SDK2: variants seen among roughly 807,000 people sequenced by gnomAD.
SDK2 encodes protein sidekick-2.
SDK2 carries 105 observed loss-of-function variants against 253.9 expected under a neutral mutation model. That is an observed-to-expected ratio of 0.41 (90% confidence interval 0.35 to 0.49). SDK2 has a LOEUF of 0.49. Ranked by LOEUF, SDK2 falls within the 20% of genes least tolerant of loss-of-function variation. SDK2 has a pLI of 0.06. For missense variants in SDK2, 2,608 were observed against 3,003.0 expected (o/e 0.87, Z 3.07); for synonymous variants, 1,249 against 1,234.9 (o/e 1.01, Z -0.24).
rs2145437412 is a variant in SDK2 at position 73,368,435 on chromosome 17, G to A, written c.5139C>T (p.Thr1713=). Residue 1713 remains threonine, a synonymous_variant, in exon 37 of 45, where the codon ACC becomes ACT. Transcript: ENST00000392650. ...FNAAGDGPRS[T]PTQGQTQQAA... The stretch of plus-strand genomic sequence containing the variant: ...CTTGCTGGGTCTGGCCTTGGGTGGG[G>A]GTGCTCCGAGGCCCATCCCCAGCGG... 6.3e-7 allele frequency: 1 copy of A among 1,591,916 alleles called. No homozygotes were observed. Among genetic ancestry groups the A allele is most frequent in the East Asian group, 2.3e-5 (1 of 43,850 alleles).
intron 5 of SDK2, among the ~76,000 whole-genome samples, chr17:73,442,919 G>T (rs1422276314): frequency 6.6e-6 from 1 of 151,460 alleles, no homozygotes; most frequent in Non-Finnish European, 1.5e-5. Flanking sequence ...TAAAGTAGAG[G>T]CCAGATTTTC....
chr17:73,338,540 G>A lies in SDK2; in HGVS notation c.*47C>T. 1 of 1,140,702 alleles carries A rather than the reference G, an allele frequency of 8.8e-7. No homozygotes were observed. The highest frequency in any genetic ancestry group is 2.4e-5 in the East Asian group (1 of 41,472). 70.7% of individuals were successfully genotyped at this position (1,140,702 alleles called of 1,614,324 possible). A position where few individuals can be genotyped will look rare whatever the true frequency, so the allele number is the denominator to read the frequency against. Reference sequence around the variant, plus strand: ...GGCAGGCAGTGAGAGGAGGGGTGAAGGAGGAGTTTGGTGCCATTTCTCTTT... The same window carrying A: ...GGCAGGCAGTGAGAGGAGGGGTGAAAGAGGAGTTTGGTGCCATTTCTCTTT... On this transcript the variant is annotated 3_prime_UTR_variant, in exon 45 of 45. Transcript: ENST00000392650. This position sits in a 1 kb window ranked among gnomAD's most constrained non-coding sequence, Gnocchi z 5.0.
intron 1 of SDK2, among the ~76,000 whole-genome samples, chr17:73,607,596 C>A (rs1334464911): frequency 6.6e-6 from 1 of 152,132 alleles, no homozygotes; most frequent in East Asian, 1.9e-4. Flanking sequence ...CCAGACCCCA[C>A]TGAGGAGGTG....
At chr17:73,556,024 G>A (rs2145843986) in intron 1 of SDK2, among the ~76,000 whole-genome samples, 1 of 152,288 alleles carries the variant, frequency 6.6e-6, no homozygotes. Flanking sequence ...AAAGGCAGGG[G>A]CTTTGGGAGA....
At chr17:73,554,833 A>G (rs550825021) in intron 1 of SDK2, among the ~76,000 whole-genome samples, 2 of 152,304 alleles carry the variant, frequency 1.3e-5, no homozygotes, top group East Asian at 1.9e-4. Flanking sequence ...TAGAGTATTG[A>G]TTTACACTTA....
At chr17:73,586,689 C>T (rs1223103358) in intron 1 of SDK2, among the ~76,000 whole-genome samples, 1 of 152,140 alleles carries the variant, frequency 6.6e-6, no homozygotes, top group Non-Finnish European at 1.5e-5. Context: ...GTTGACTCAA[C>T]CACCTCCCAT....
rs181846898 is a variant in SDK2 at position 73,559,456 on chromosome 17, C to A, written c.65-51859G>T. On this transcript the variant is annotated intron_variant, in intron 1 of 44. Transcript: ENST00000392650. ...TGTGTATTATAATTCTTTTTGCGGG[C>A]TCTTGAGAATGAGAACTCTCTGCCA... 3.3e-3 allele frequency among the ~76,000 whole-genome samples: 502 copies of A among 152,260 alleles called. 3 individuals are homozygous for A. The highest frequency in any genetic ancestry group is 0.012 in the African/African-American group (485 of 41,532).
chr17:73,426,593 A>G lies in SDK2; in HGVS notation c.1584-2501T>C, dbSNP rs1459918057. On this transcript the variant is annotated intron_variant, in intron 12 of 44. Coordinates refer to ENST00000392650, the MANE Select transcript of SDK2 (RefSeq NM_001144952.2). ...GGCAAAATGTTTACAACCATTCCAA[A>G]TCATTTCCTCAAGGACAAATTCTCA... Among the ~76,000 whole-genome samples the G allele has an allele frequency of 4.6e-5, 7 of 152,150 alleles. No individual in the cohort carries two copies. The East Asian group carries it at 1.3e-3, about 29-fold the overall frequency.
intron 2 of SDK2, among the ~76,000 whole-genome samples, chr17:73,506,491 G>A (rs992394326): frequency 2.6e-5 from 4 of 152,142 alleles, no homozygotes; most frequent in South Asian, 4.1e-4. Flanking sequence ...TCTGGCCTCC[G>A]CACTCCCTAA....
At chr17:73,451,133 C>T (rs1956704617) in intron 4 of SDK2, among the ~76,000 whole-genome samples, 1 of 152,224 alleles carries the variant, frequency 6.6e-6, no homozygotes, top group Admixed American at 6.5e-5. Context: ...CATGTCTGCC[C>T]CCTTTCTCTC....
In SDK2 at chr17:73,642,680, T is replaced by C. The variant is rs562088724; in HGVS notation, c.64+1345A>G. ...GTTTCCCTATCTGTTAAATGGCTAC[T>C]AGAATAAGATGACCTCTGAGGTCCT... is the stretch of plus-strand genomic sequence containing the variant. On this transcript the variant is annotated intron_variant, in intron 1 of 44. Transcript: ENST00000392650. This position sits in a 1 kb window ranked among gnomAD's most constrained non-coding sequence, Gnocchi z 4.7. 4.8e-4 allele frequency among the ~76,000 whole-genome samples: 73 copies of C among 152,340 alleles called. 1 individual carries two copies. The South Asian group carries it at 0.015, about 30-fold the overall frequency.
chr17:73,416,548 C>T (rs2063183824), intron 16 of SDK2, among the ~76,000 whole-genome samples: 1 of 151,814 alleles, frequency 6.6e-6, no homozygotes, highest in South Asian at 2.1e-4. Context: ...CCTTGAACAA[C>T]ACAGGTTGGA....
intron 1 of SDK2, among the ~76,000 whole-genome samples, chr17:73,515,352 T>G (rs1004436966): frequency 2.0e-5 from 3 of 152,190 alleles, no homozygotes; most frequent in Non-Finnish European, 4.4e-5. Flanking sequence ...CTCAGGGAAC[T>G]GGTTTTGACT....
At chr17:73,470,016 A>ACG (rs2063635924) in intron 3 of SDK2, among the ~76,000 whole-genome samples, 1 of 151,596 alleles carries the variant, frequency 6.6e-6, no homozygotes, top group Non-Finnish European at 1.5e-5. Flanking sequence ...ACACACACAC[A>ACG]CACACACACA....
chr17:73,607,574 T>C (rs1461894771), intron 1 of SDK2, among the ~76,000 whole-genome samples: 1 of 151,712 alleles, frequency 6.6e-6, no homozygotes, highest in Non-Finnish European at 1.5e-5. Context: ...GGTGTTCAGT[T>C]TGGGAGGTGG....
intron 1 of SDK2, among the ~76,000 whole-genome samples, chr17:73,637,023 T>C (rs1356964936): frequency 6.6e-6 from 1 of 152,160 alleles, no homozygotes; most frequent in Non-Finnish European, 1.5e-5. Flanking sequence ...CTGACAGAGC[T>C]TGAACCCAGG....
At chr17:73,520,993 T>C (rs1424475723) in intron 1 of SDK2, 2 of 151,890 alleles carry the variant, frequency 1.3e-5, no homozygotes, top group Non-Finnish European at 2.9e-5. Context: ...TTGTACATCA[T>C]TGTGAATGTA....
rs865867423 is a variant in SDK2, at chr17:73,581,583, C to A, written c.64+62442G>T. On this transcript the variant is annotated intron_variant, in intron 1 of 44. Transcript: ENST00000392650. ...TGAGCTGTGACCTCTCTCTGCAGGACTGACAGCTATTCATCAGTTGGTGCT... is the reference window on the plus strand; with the variant it reads ...TGAGCTGTGACCTCTCTCTGCAGGAATGACAGCTATTCATCAGTTGGTGCT... 1.3e-5 allele frequency among the ~76,000 whole-genome samples: 2 copies of A among 152,270 alleles called. 1 individual carries two copies. Among genetic ancestry groups the A allele is most frequent in the South Asian group, 4.1e-4 (2 of 4,836 alleles).
chr17:73,620,359 A>G (rs1301803945), intron 1 of SDK2, among the ~76,000 whole-genome samples: 2 of 152,250 alleles, frequency 1.3e-5, no homozygotes, highest in Non-Finnish European at 2.9e-5. Context: ...CAGGTCAGCT[A>G]TAATTAAACA....
Sources: gnomAD v4.1 joint callset for allele counts (sites outside exome capture counted in the v4.1 genomes callset) on GRCh38, gnomAD v4.1.1 for gene constraint, Gnocchi (gnomAD v3.1) non-coding constraint, MANE v1.5 for transcripts, NCBI Gene and HGNC (gene_info 2026-07-23, HGNC 2026-07-21) for gene names.